Variants in TIAM2 observed in about 807,000 individuals in gnomAD.
The protein encoded by TIAM2 is rho guanine nucleotide exchange factor TIAM2.
A neutral mutation model predicts 152.9 loss-of-function variants in TIAM2; 80 were observed. That is an observed-to-expected ratio of 0.52 (90% CI 0.44 to 0.63). The LOEUF is 0.63. Among genes scored for constraint, TIAM2 ranks in the 30% least tolerant of loss-of-function variants. The pLI is 0.00. For missense variants in TIAM2, 1,965 were observed against 2,120.1 expected (o/e 0.93, Z 1.44); for synonymous variants, 804 against 838.0 (o/e 0.96, Z 0.70).
chr6:155,202,457 C>T (rs1257534766), intron 14 of TIAM2, among the ~76,000 whole-genome samples: 4 of 152,176 alleles, frequency 2.6e-5, no homozygotes, highest in African/African-American at 7.2e-5. Context: ...CTCACTCTGT[C>T]GCCTAGGCTG....
chr6:155,147,972 T>A, intron 6 of TIAM2, 138 bp from the exon 7 acceptor site: 1 of 791,798 alleles, frequency 1.3e-6, no homozygotes, highest in Non-Finnish European at 2.1e-6. Flanking sequence ...AATGGTTGAA[T>A]GTGTTTTTGA....
chr6:155,011,765 T>G (rs1778493082), intron 1 of TIAM2, among the ~76,000 whole-genome samples: 1 of 152,244 alleles, frequency 6.6e-6, no homozygotes, highest in Non-Finnish European at 1.5e-5. Flanking sequence ...AGTAAACTTT[T>G]GATCAGCATA....
intron 5 of TIAM2, among the ~76,000 whole-genome samples, chr6:155,140,571 T>TGAGA (rs1260760074): frequency 1.1e-3 from 120 of 110,764 alleles, no homozygotes; most frequent in Middle Eastern, 8.7e-3. Flanking sequence ...TGTGTGTGTG[T>TGAGA]GTGAGAGAGA....
intron 15 of TIAM2, among the ~76,000 whole-genome samples, chr6:155,215,758 A>G (rs1047656587): frequency 7.4e-6 from 1 of 135,582 alleles, no homozygotes; most frequent in African/African-American, 2.8e-5. Context: ...ACATCGTGTT[A>G]TATCTAAAGC....
chr6:155,013,695 C>T (rs1778526246), intron 1 of TIAM2: 1 of 152,112 alleles, frequency 6.6e-6, no homozygotes, highest in African/African-American at 2.4e-5. Context: ...GCTCTGACAG[C>T]TGTTTAAATT....
chr6:155,256,754 A>G lies in TIAM2; in HGVS notation c.4739A>G (p.Lys1580Arg), dbSNP rs776622253. The G allele has an allele frequency of 3.7e-6, 6 of 1,614,226 alleles. No homozygotes were observed. The highest frequency in any genetic ancestry group is 1.7e-5 in the Admixed American group (1 of 60,034). Residue 1580 changes from lysine (K) to arginine (R), a missense_variant, in exon 27 of 27, where the codon AAG becomes AGG. Around this residue, in one of 3 missense-constraint regions of TIAM2, gnomAD observed 935 missense variants for 980.0 expected, o/e 0.95. Coordinates refer to ENST00000682666, the MANE Select transcript of TIAM2 (RefSeq NM_012454.4). ...DEDDDHRQTV[K>R]QGSPTKDIEI... ...GATGATGACCACCGTCAGACTGTGA[A>G]GCAGGGCAGCCCTACTAAAGACATC...
At chr6:155,098,392 C>T (rs1778468333) in intron 2 of TIAM2, among the ~76,000 whole-genome samples, 1 of 152,078 alleles carries the variant, frequency 6.6e-6, no homozygotes, top group Non-Finnish European at 1.5e-5. Flanking sequence ...GGATCTTTTA[C>T]TTCTTTGGTT....
chr6:155,086,822 A>C (rs540635881), intron 1 of TIAM2, among the ~76,000 whole-genome samples: 36 of 152,290 alleles, frequency 2.4e-4, no homozygotes, highest in African/African-American at 8.4e-4. Flanking sequence ...CAAGCCACAT[A>C]TTAATCACGT....
chr6:155,023,454 A>G (rs530327371), intron 1 of TIAM2, among the ~76,000 whole-genome samples: 13 of 152,206 alleles, frequency 8.5e-5, no homozygotes, highest in African/African-American at 2.6e-4. Flanking sequence ...GGCTGCGTCT[A>G]AATTTGTATG....
chr6:155,052,872 A>C (rs1777349617), intron 1 of TIAM2, among the ~76,000 whole-genome samples: 1 of 152,150 alleles, frequency 6.6e-6, no homozygotes, highest in Non-Finnish European at 1.5e-5. Flanking sequence ...TTATGGTAGA[A>C]GTAAATCTTA....
intron 6 of TIAM2, among the ~76,000 whole-genome samples, chr6:155,147,712 T>G (rs1179655618): frequency 2.6e-5 from 4 of 152,198 alleles, no homozygotes; most frequent in African/African-American, 7.2e-5. Context: ...CTCGAACTCC[T>G]GACCTCAGGT....
intron 1 of TIAM2, among the ~76,000 whole-genome samples, chr6:155,072,969 A>G (rs1051054273): frequency 2.6e-5 from 4 of 152,156 alleles, no homozygotes; most frequent in African/African-American, 9.7e-5. Flanking sequence ...GATGAACTGT[A>G]GTCTATAGTT....
At chr6:155,166,643 A>AT (rs1207270992) in intron 9 of TIAM2, among the ~76,000 whole-genome samples, 1 of 152,166 alleles carries the variant, frequency 6.6e-6, no homozygotes. Flanking sequence ...TTTATTAAGG[A>AT]AAAATAGTCT....
chr6:155,164,055 G>A (rs1780345237), intron 7 of TIAM2, among the ~76,000 whole-genome samples: 1 of 150,556 alleles, frequency 6.6e-6, no homozygotes, highest in African/African-American at 2.4e-5. Flanking sequence ...CGCCTTCTAG[G>A]TTTAATCCAT....
intron 22 of TIAM2, among the ~76,000 whole-genome samples, 175 bp from the exon 23 acceptor site, chr6:155,251,770 C>T (rs1783669689): frequency 6.6e-6 from 1 of 152,166 alleles, no homozygotes; most frequent in Non-Finnish European, 1.5e-5. Flanking sequence ...GGTGCTTCTG[C>T]ATAGTTCAAA....
At chr6:155,250,564 G>A (rs1390567117) in intron 21 of TIAM2, 1 of 1,535,940 alleles carries the variant, frequency 6.5e-7, no homozygotes, top group Non-Finnish European at 8.7e-7. Flanking sequence ...CAGAGGTGAT[G>A]GATGTACTAG....
chr6:155,075,419 T>G (rs2114959771), intron 1 of TIAM2, among the ~76,000 whole-genome samples: 1 of 152,202 alleles, frequency 6.6e-6, no homozygotes, highest in African/African-American at 2.4e-5. Context: ...TTTACTTTTC[T>G]TAAGGGTTGG....
chr6:155,245,480 C>A, intron 18 of TIAM2, 143 bp from the exon 19 acceptor site: 1 of 684,942 alleles, frequency 1.5e-6, no homozygotes, highest in Non-Finnish European at 2.5e-6. Context: ...TTCCCCACCT[C>A]CTGTGTGGAT....
intron 9 of TIAM2, among the ~76,000 whole-genome samples, chr6:155,169,197 G>T (rs917224834): frequency 6.6e-6 from 1 of 152,006 alleles, no homozygotes; most frequent in Non-Finnish European, 1.5e-5. Context: ...GGGTTTCACC[G>T]TGTTAGCCAC....
Sources: allele counts gnomAD v4.1 joint callset (sites outside exome capture counted in the v4.1 genomes callset), GRCh38; gene constraint gnomAD v4.1.1; regional missense constraint gnomAD v4.1.1; transcripts MANE v1.5; gene names NCBI Gene and HGNC (gene_info 2026-07-23, HGNC 2026-07-21).